Variants in GRAMD4 observed in about 807,000 individuals in gnomAD.
GRAMD4 encodes GRAM domain-containing protein 4.
Under a neutral mutation model 83.9 loss-of-function variants are expected in GRAMD4, and 25 were observed. The ratio of observed to expected loss-of-function variants is 0.30; its 90% CI spans 0.22 to 0.42. The LOEUF is 0.42. Among genes scored for constraint, GRAMD4 ranks in the 10% least tolerant of loss-of-function variants. The pLI is 1.00. For missense variants in GRAMD4, 593 were observed against 788.7 expected (o/e 0.75, Z 2.97); for synonymous variants, 336 against 320.9 (o/e 1.05, Z -0.50).
chr22:46,672,847 CTA>C lies in GRAMD4; in HGVS notation c.1091_1092del (p.Tyr364CysfsTer9). 6.2e-7 allele frequency: 1 copy of C among 1,611,920 alleles called. No homozygotes were observed. The highest frequency in any genetic ancestry group is 8.5e-7 in the Non-Finnish European group (1 of 1,178,950). ...YRLVGLAVGL[Y>X]AGIKFFLIDF... is the part of the protein sequence containing the mutation. ...GGCTGTGTCCCCTGCCCTCAGGACT[CTA>C]TGCTGGTATCAAGTTCTTCCTCATT... On this transcript the variant is annotated frameshift_variant, in exon 14 of 19. Transcript: ENST00000406902. LOFTEE classifies it high-confidence loss of function. This position sits in a 1 kb window ranked among gnomAD's most constrained non-coding sequence, Gnocchi z 4.7.
chr22:46,632,161 G>C (rs1440544136), intron 2 of GRAMD4, among the ~76,000 whole-genome samples: 1 of 152,260 alleles, frequency 6.6e-6, no homozygotes, highest in Non-Finnish European at 1.5e-5. Context: ...GGAGGGGAAG[G>C]TTGGAGGGGC....
At chr22:46,653,942 C>T (rs2082204350) in intron 3 of GRAMD4, among the ~76,000 whole-genome samples, 1 of 152,176 alleles carries the variant, frequency 6.6e-6, no homozygotes, top group Admixed American at 6.5e-5. Context: ...AAGACAGAGG[C>T]ATGAGATGGA....
At chr22:46,676,556 T>A in intron 17 of GRAMD4, 44 bp from the exon 18 acceptor site, 2 of 1,525,338 alleles carry the variant, frequency 1.3e-6, no homozygotes, top group Non-Finnish European at 1.8e-6. Flanking sequence ...TGCCTCCCTG[T>A]CCCCAGGAGA....
At chr22:46,607,542 G>A (rs1447027402) in intron 1 of GRAMD4, among the ~76,000 whole-genome samples, 1 of 152,108 alleles carries the variant, frequency 6.6e-6, no homozygotes, top group East Asian at 1.9e-4. Flanking sequence ...ATTAACGTGG[G>A]GGTGCCAGGG....
At chr22:46,641,603 C>A (rs1374597238) in intron 3 of GRAMD4, among the ~76,000 whole-genome samples, 1 of 152,148 alleles carries the variant, frequency 6.6e-6, no homozygotes, top group Non-Finnish European at 1.5e-5. Flanking sequence ...AGTCTCTGCT[C>A]TGGACTGTGC....
chr22:46,597,976 G>A lies in GRAMD4; in HGVS notation c.-50+20686G>A, dbSNP rs182911432. On this transcript the variant is annotated intron_variant, in intron 1 of 1. Coordinates refer to the GRAMD4 transcript ENST00000431155. ...TAGTCCATTAGGTTTTGGCATTGGC[G>A]GCCTTTTGTTTTGTTTTGTTTTTGA... Among the ~76,000 whole-genome samples the A allele has an allele frequency of 1.3e-3, 197 of 151,324 alleles. 2 individuals are homozygous for A. Among genetic ancestry groups the A allele is most frequent in the African/African-American group, 4.4e-3 (180 of 41,282 alleles).
intron 1 of GRAMD4, 57 bp from the exon 2 acceptor site, chr22:46,626,694 T>G: frequency 8.8e-7 from 1 of 1,139,836 alleles, no homozygotes; most frequent in Middle Eastern, 2.1e-4. Context: ...GTGTGGGAGC[T>G]GGCTCGTGGG....
chr22:46,656,055 A>C (rs947190798), intron 3 of GRAMD4, among the ~76,000 whole-genome samples: 1 of 151,440 alleles, frequency 6.6e-6, no homozygotes, highest in Non-Finnish European at 1.5e-5. Context: ...AGTGCCCCCC[A>C]CCCCAGCCTC....
chr22:46,673,208 G>A (rs2082540116), intron 14 of GRAMD4, among the ~76,000 whole-genome samples: 1 of 152,178 alleles, frequency 6.6e-6, no homozygotes, highest in African/African-American at 2.4e-5. Flanking sequence ...GGCAACACCT[G>A]GGGACTGGCC....
chr22:46,629,100 A>G (rs927247559), intron 2 of GRAMD4, among the ~76,000 whole-genome samples: 1 of 151,792 alleles, frequency 6.6e-6, no homozygotes, highest in Non-Finnish European at 1.5e-5. Context: ...CTGCGGGGGG[A>G]AACCACCTCA....
In GRAMD4 at chr22:46,663,065, G is replaced by C; in HGVS notation, c.492G>C (p.Ser164=). The C allele has an allele frequency of 6.2e-7, 1 of 1,611,764 alleles. No individual in the cohort carries two copies. Among genetic ancestry groups the C allele is most frequent in the Middle Eastern group, 1.7e-4 (1 of 5,932 alleles). ...GAERRSQGLS[S]RLQKWFYERF... The stretch of plus-strand genomic sequence containing the variant: ...AGCGCCGGAGCCAGGGGCTGTCCTC[G>C]CGCCTGCAGAAGTGGTTCTACGAGC... Residue 164 remains serine, a synonymous_variant, in exon 6 of 19, where the codon TCG becomes TCC. Coordinates refer to ENST00000406902, the MANE Select transcript of GRAMD4 (RefSeq NM_015124.5).
At chr22:46,624,529 A>G (rs925212989) in intron 1 of GRAMD4, among the ~76,000 whole-genome samples, 1 of 151,828 alleles carries the variant, frequency 6.6e-6, no homozygotes, top group African/African-American at 2.4e-5. Flanking sequence ...GGGTTTCACC[A>G]TGTTGGCCAG....
chr22:46,648,847 C>T (rs62233623), intron 3 of GRAMD4, among the ~76,000 whole-genome samples: 2 of 17,060 alleles, frequency 1.2e-4, no homozygotes, highest in Non-Finnish European at 2.5e-4. Flanking sequence ...TGGATGGATG[C>T]ATGGATGGAT....
At chr22:46,615,496 TGCGG>T (rs2081469650), upstream of GRAMD4, among the ~76,000 whole-genome samples, 1 of 147,438 alleles carries the variant, frequency 6.8e-6, no homozygotes. Flanking sequence ...CCCCCGTGTG[TGCGG>T]GTTCCCCTGT....
chr22:46,679,787 G>A, downstream of GRAMD4: 1 of 984,350 alleles, frequency 1.0e-6, no homozygotes, highest in Non-Finnish European at 1.2e-6. Context: ...TTGTGCTAAG[G>A]CTCAGGGCTG....
At chr22:46,662,322 C>A (rs1474305357) in intron 5 of GRAMD4, among the ~76,000 whole-genome samples, 1 of 152,224 alleles carries the variant, frequency 6.6e-6, no homozygotes, top group Non-Finnish European at 1.5e-5. Flanking sequence ...CACAGGCCCT[C>A]TGGTCCCAGG....
rs1389977792 is a variant in GRAMD4, at chr22:46,621,864, T to C, written c.-50+1299T>C. On this transcript the variant is annotated intron_variant, in intron 1 of 18. Coordinates refer to ENST00000406902, the MANE Select transcript of GRAMD4 (RefSeq NM_015124.5). This position sits in a 1 kb window ranked among gnomAD's most constrained non-coding sequence, Gnocchi z 5.8. Reference sequence around the variant, plus strand: ...CGTGACATGGAGTTTGATTCTTAACTGACCGAAGCTTGAAAAGTCTGTCTT... The same window carrying C: ...CGTGACATGGAGTTTGATTCTTAACCGACCGAAGCTTGAAAAGTCTGTCTT... Among the ~76,000 whole-genome samples, 1 of 152,222 alleles carries C rather than the reference T, an allele frequency of 6.6e-6. No individual in the cohort carries two copies. The highest frequency in any genetic ancestry group is 1.9e-4 in the East Asian group (1 of 5,200).
At chr22:46,651,503 C>T (rs1392097651) in intron 3 of GRAMD4, among the ~76,000 whole-genome samples, 1 of 152,230 alleles carries the variant, frequency 6.6e-6, no homozygotes, top group African/African-American at 2.4e-5. Context: ...TGGCCCCCGG[C>T]AGGTGTGATA....
chr22:46,671,241 C>T, intron 13 of GRAMD4: 1 of 276,598 alleles, frequency 3.6e-6, no homozygotes. Flanking sequence ...CACCTAGCAT[C>T]TTTCAAGAAT....
Sources: allele counts gnomAD v4.1 joint callset (sites outside exome capture counted in the v4.1 genomes callset), GRCh38; gene constraint gnomAD v4.1.1; non-coding constraint Gnocchi (gnomAD v3.1); transcripts MANE v1.5; gene names NCBI Gene and HGNC (gene_info 2026-07-23, HGNC 2026-07-21).